The following TXLNG variants were observed in gnomAD, a reference collection of about 807,000 sequenced individuals.
TXLNG encodes the protein taxilin gamma, also known as gamma-taxilin.
Under a neutral mutation model 38.8 loss-of-function variants are expected in TXLNG, and 5 were observed. That is an observed-to-expected ratio of 0.13 (90% CI 0.07 to 0.27). The LOEUF (loss-of-function observed/expected upper bound fraction) is 0.27, where lower values mean the gene tolerates loss of function less well. Ranked by LOEUF, TXLNG falls within the 10% of genes least tolerant of loss-of-function variation. The pLI, the probability that TXLNG is intolerant of heterozygous loss-of-function variation, is 1.00. For missense variants in TXLNG, 393 were observed against 398.2 expected (o/e 0.99, Z 0.11); for synonymous variants, 182 against 158.2 (o/e 1.15, Z -1.13).
intron 3 of TXLNG, among the ~76,000 whole-genome samples, chrX:16,823,535 G>A (rs1345426796): frequency 9.2e-6 from 1 of 108,788 alleles, no homozygotes; most frequent in Non-Finnish European, 1.9e-5. Flanking sequence ...CTTTTCCCAA[G>A]GATTATTCTG....
intron 4 of TXLNG, 38 bp from the exon 5 acceptor site, chrX:16,829,538 G>A (rs180883492): frequency 8.6e-7 from 1 of 1,168,459 alleles, no homozygotes; most frequent in African/African-American, 1.8e-5. Flanking sequence ...CTTCTCTATA[G>A]GTCTGTATTA....
chrX:16,794,628 T>TATAAA (rs1927817070), intron 1 of TXLNG, among the ~76,000 whole-genome samples: 1 of 111,836 alleles, frequency 8.9e-6, no homozygotes, highest in Non-Finnish European at 1.9e-5. Flanking sequence ...GCTTGATGTT[T>TATAAA]CAGAGGTGTA....
At chrX:16,828,322 A>C in intron 4 of TXLNG, 58 bp downstream of exon 4, 2 of 1,050,135 alleles carry the variant, frequency 1.9e-6, no homozygotes, top group Admixed American at 2.8e-5. Flanking sequence ...TTCATAATCA[A>C]CCCTGTGCCT....
At position 16,843,436 on chromosome X, in the gene TXLNG, T is replaced by G. The variant is rs1929943169; in HGVS notation, c.*1670T>G. 9.0e-6 allele frequency: 1 copy of G among 111,611 alleles called. No individual in the cohort carries two copies. Among genetic ancestry groups the G allele is most frequent in the African/African-American group, 3.3e-5 (1 of 30,631 alleles). 9.2% of individuals were successfully genotyped at this position (111,611 alleles called of 1,213,427 possible). A position where few individuals can be genotyped will look rare whatever the true frequency, so the allele number is the denominator to read the frequency against. On this transcript the variant is annotated 3_prime_UTR_variant, in exon 10 of 10. Transcript: ENST00000380122. ...AAATCCACAAAGTAGATTATCTAAT[T>G]ACCATCAAAATGAGTCAGAAGCAAA... is the stretch of plus-strand genomic sequence containing the variant.
intron 1 of TXLNG, among the ~76,000 whole-genome samples, chrX:16,789,465 A>G (rs1261321227): frequency 9.1e-6 from 1 of 109,506 alleles, no homozygotes; most frequent in South Asian, 4.0e-4. Context: ...TTTTTTCTTC[A>G]GTTATACTAA....
rs746522327 is a variant in TXLNG, at chrX:16,844,088, G to T, written c.*2322G>T. The T allele has an allele frequency of 9.0e-6, 1 of 111,151 alleles. No individual in the cohort carries two copies. The highest frequency in any genetic ancestry group is 3.7e-4 in the South Asian group (1 of 2,697). The allele number at this position is 111,151 out of a possible 1,213,427, so 9.2% of individuals were successfully genotyped here. ...TTGCACCATCATGGAATCGTGATGT[G>T]TATTATTTATATTGGCGGTGGACTC... On this transcript the variant is annotated 3_prime_UTR_variant, in exon 10 of 10. Coordinates refer to ENST00000380122, the MANE Select transcript of TXLNG (RefSeq NM_018360.3).
intron 9 of TXLNG, 44 bp from the exon 10 acceptor site, chrX:16,841,384 A>G: frequency 8.9e-7 from 1 of 1,119,039 alleles, no homozygotes; most frequent in Non-Finnish European, 1.2e-6. Flanking sequence ...TTGTAACCTG[A>G]TTGATATTTA....
Position 16,841,452 on chromosome X carries a change from A to C in TXLNG, c.1273A>C (p.Lys425Gln). 8.3e-7 allele frequency: 1 copy of C among 1,210,717 alleles called. No homozygotes were observed. Among genetic ancestry groups the C allele is most frequent in the African/African-American group, 1.7e-5 (1 of 57,673 alleles). The change falls in exon 10 of 10, where the codon AAG becomes CAG. Residue 425 changes from lysine (K) to glutamine (Q), a missense_variant. Physicochemically the swap from Lys to Gln is moderately conservative, Grantham distance 53. Transcript: ENST00000380122. ...GAAAACAGTCCGTGATAAAGAGTACAAGGCCCTTCAAATAAAACTGGAACG... is the reference window on the plus strand; with the variant it reads ...GAAAACAGTCCGTGATAAAGAGTACCAGGCCCTTCAAATAAAACTGGAACG... ...EEKTVRDKEY[K>Q]ALQIKLERLE...
intron 1 of TXLNG, among the ~76,000 whole-genome samples, chrX:16,816,829 A>G (rs1602380293): frequency 1.8e-5 from 2 of 112,437 alleles, no homozygotes; most frequent in Non-Finnish European, 3.8e-5. Context: ...CAACTTTTAA[A>G]ATAAACTTTA....
At chrX:16,823,792 A>C (rs1345023044) in intron 3 of TXLNG, among the ~76,000 whole-genome samples, 1 of 111,484 alleles carries the variant, frequency 9.0e-6, no homozygotes, top group Non-Finnish European at 1.9e-5. Flanking sequence ...CATGATCCTT[A>C]AGTACTTTAT....
intron 1 of TXLNG, 104 bp from the exon 2 acceptor site, chrX:16,818,470 A>G: frequency 2.0e-6 from 2 of 984,718 alleles, no homozygotes; most frequent in Non-Finnish European, 2.8e-6. Context: ...CAAACCACTA[A>G]GGAAGAAAAA....
intron 3 of TXLNG, among the ~76,000 whole-genome samples, chrX:16,821,952 C>T (rs1928985593): frequency 9.2e-6 from 1 of 108,680 alleles, no homozygotes; most frequent in Non-Finnish European, 1.9e-5. Context: ...CGAGATCGTG[C>T]CACTGCACTC....
intron 3 of TXLNG, among the ~76,000 whole-genome samples, chrX:16,826,158 A>G: frequency 8.9e-6 from 1 of 111,979 alleles, no homozygotes. Context: ...CAGGAAAGGC[A>G]GGAGCTCTGC....
At chrX:16,813,485 TAA>T (rs200836025) in intron 1 of TXLNG, among the ~76,000 whole-genome samples, 1 of 96,520 alleles carries the variant, frequency 1.0e-5, no homozygotes, top group Non-Finnish European at 2.1e-5. Context: ...TCTACAAAAT[TAA>T]AAAAAAAAAA....
chrX:16,830,249 C>T (rs567603013), intron 5 of TXLNG, among the ~76,000 whole-genome samples: 2 of 108,069 alleles, frequency 1.9e-5, no homozygotes, highest in African/African-American at 6.7e-5. Context: ...CCCCTTCTAA[C>T]CCCTCACACA....
intron 5 of TXLNG, among the ~76,000 whole-genome samples, chrX:16,831,581 G>A (rs1012710908): frequency 2.7e-5 from 3 of 111,978 alleles, no homozygotes; most frequent in African/African-American, 6.5e-5. Context: ...TTGAAGAAAC[G>A]TCTTTTTTGT....
chrX:16,841,553 G>A lies in TXLNG; in HGVS notation c.1374G>A (p.Gln458=), dbSNP rs759042778. ...LNEKVEVLKE[Q]VSIKAAIKAA... ...AGAAGGTGGAAGTCCTGAAAGAGCA[G>A]GTATCCATCAAAGCGGCCATCAAAG... The change falls in exon 10 of 10, where the codon CAG becomes CAA. Residue 458 remains glutamine, a synonymous_variant. Transcript: ENST00000380122. 7 of 1,210,121 alleles carry A rather than the reference G, an allele frequency of 5.8e-6. No individual in the cohort carries two copies. The highest frequency in any genetic ancestry group is 2.3e-4 in the Middle Eastern group (1 of 4,376).
In TXLNG at chrX:16,839,893, G is replaced by T. The variant is rs757924849; in HGVS notation, c.1225G>T (p.Ala409Ser). 6.7e-6 allele frequency: 8 copies of T among 1,202,270 alleles called. No homozygotes were observed. In the East Asian group the frequency reaches 2.4e-4, roughly 36 times the overall value. ...WRTKWENNNK[A>S]LLQMAEEKTV... ...TACCAAATGGGAAAACAATAATAAAGCACTTCTGCAAATGGCTGAAGAGGT... is the reference window on the plus strand; with the variant it reads ...TACCAAATGGGAAAACAATAATAAATCACTTCTGCAAATGGCTGAAGAGGT... The change falls in exon 9 of 10, where the codon GCA becomes TCA. Residue 409 changes from alanine to serine, a missense_variant. Coordinates refer to ENST00000380122, the MANE Select transcript of TXLNG (RefSeq NM_018360.3).
intron 9 of TXLNG, chrX:16,840,363 T>C (rs1929750074): frequency 3.3e-6 from 2 of 612,136 alleles, no homozygotes; most frequent in Non-Finnish European, 3.9e-6. Flanking sequence ...TGATGCAGCA[T>C]GTAGGGCCTT....
Sources: gnomAD v4.1 joint callset for allele counts (sites outside exome capture counted in the v4.1 genomes callset) on GRCh38, gnomAD v4.1.1 for gene constraint, MANE v1.5 for transcripts, NCBI Gene and HGNC (gene_info 2026-07-23, HGNC 2026-07-21) for gene names.